Variants in LTBP1 observed in about 807,000 individuals in gnomAD.
The protein encoded by LTBP1 is latent transforming growth factor beta binding protein 1.
Under a neutral mutation model 207.6 loss-of-function variants are expected in LTBP1, and 129 were observed. The observed-to-expected ratio is 0.62, with a 90% CI of 0.54 to 0.72. The LOEUF (loss-of-function observed/expected upper bound fraction) is 0.72, where lower values mean the gene tolerates loss of function less well. LTBP1 is among the 30% of genes least tolerant of loss of function. The pLI, the probability that LTBP1 is intolerant of heterozygous loss-of-function variation, is 0.00. For missense variants in LTBP1, 2,281 were observed against 2,217.2 expected, an observed-to-expected ratio of 1.03 and a Z score of -0.58; for synonymous variants, 963 against 833.7, an observed-to-expected ratio of 1.16 and a Z score of -2.67.
At chr2:33,357,204 G>C (rs1042090802) in intron 26 of LTBP1, among the ~76,000 whole-genome samples, 3 of 152,170 alleles carry the variant, frequency 2.0e-5, no homozygotes, top group African/African-American at 7.2e-5. Flanking sequence ...ACCCTCTTTA[G>C]GCTGATGAAC....
At chr2:33,266,113 C>A (rs959242412) in intron 15 of LTBP1, among the ~76,000 whole-genome samples, 2 of 152,226 alleles carry the variant, frequency 1.3e-5, no homozygotes, top group African/African-American at 4.8e-5. Flanking sequence ...TCAGAAGTGC[C>A]TGCTGTCACT....
At chr2:33,362,367 A>G (rs73927506) in intron 28 of LTBP1, among the ~76,000 whole-genome samples, 1,657 of 152,042 alleles carry the variant, frequency 0.011, 32 homozygotes, top group African/African-American at 0.038. Context: ...ATTTGGTCCA[A>G]TTAAATAATG....
chr2:33,208,865 A>ATTTTT lies in LTBP1; in HGVS notation c.1702-8671_1702-8667dup, dbSNP rs3053310. 1.6e-3 allele frequency among the ~76,000 whole-genome samples: 180 copies of ATTTTT among 112,912 alleles called. 6 individuals carry two copies. Among genetic ancestry groups the ATTTTT allele is most frequent in the Non-Finnish European group, 1.7e-3 (96 of 57,312 alleles). The allele number at this position is 112,912 out of a possible 152,430, so 74.1% of individuals were successfully genotyped here. On this transcript the variant is annotated intron_variant, in intron 7 of 33. Coordinates refer to ENST00000404816, the MANE Select transcript of LTBP1 (RefSeq NM_206943.4). Reference sequence around the variant, plus strand: ...TAGTGTCTAGTCCAGTCTTGCTACTATTTTTTTTTTTTTTTTTTTTGAGAT... The same window carrying ATTTTT: ...TAGTGTCTAGTCCAGTCTTGCTACTATTTTTTTTTTTTTTTTTTTTTTTTTGAGAT...
chr2:33,053,364 C>T (rs868196392), intron 3 of LTBP1, among the ~76,000 whole-genome samples: 1 of 152,194 alleles, frequency 6.6e-6, no homozygotes, highest in East Asian at 1.9e-4. Context: ...TCATTATTCC[C>T]CAAAGTCCTA....
chr2:33,131,385 A>ATC (rs1296017900), intron 4 of LTBP1, among the ~76,000 whole-genome samples: 1 of 152,340 alleles, frequency 6.6e-6, no homozygotes, highest in East Asian at 1.9e-4. Flanking sequence ...CAGAGCATGG[A>ATC]TCTCTGTTTG....
intron 15 of LTBP1, among the ~76,000 whole-genome samples, chr2:33,272,800 A>G (rs1331231667): frequency 3.9e-5 from 6 of 152,168 alleles, no homozygotes; most frequent in Non-Finnish European, 5.9e-5. Context: ...CTTACAAAGG[A>G]CATTGGAAAC....
At chr2:33,141,936 C>T (rs1325272807) in intron 5 of LTBP1, among the ~76,000 whole-genome samples, 1 of 151,806 alleles carries the variant, frequency 6.6e-6, no homozygotes, top group African/African-American at 2.4e-5. Context: ...AATTCTTGTT[C>T]TTTGGGTGAA....
rs952196733 is a variant in LTBP1 at position 32,966,910 on chromosome 2, CTCT to C, written c.565+17972_565+17974del. On this transcript the variant is annotated intron_variant, in intron 2 of 33. Coordinates refer to ENST00000404816, the MANE Select transcript of LTBP1 (RefSeq NM_206943.4). ...CTCAGAATGAGTTAGGAAGTATATTCTCTTCTTCTATCTTCTGAGAGAGATTTT... is the reference window on the plus strand; with the variant it reads ...CTCAGAATGAGTTAGGAAGTATATTCTCTTCTATCTTCTGAGAGAGATTTT... Among the ~76,000 whole-genome samples the C allele has an allele frequency of 1.2e-4, 19 of 152,188 alleles. No individual in the cohort carries two copies. The East Asian group carries it at 2.3e-3, about 19-fold the overall frequency.
At chr2:32,966,989 C>G (rs951048513) in intron 2 of LTBP1, among the ~76,000 whole-genome samples, 1 of 151,862 alleles carries the variant, frequency 6.6e-6, no homozygotes, top group African/African-American at 2.4e-5. Context: ...TTGAACCCAT[C>G]CTGGCTTGCT....
intron 2 of LTBP1, among the ~76,000 whole-genome samples, chr2:32,988,932 C>T (rs1240658678): frequency 7.2e-6 from 1 of 139,422 alleles, no homozygotes; most frequent in Non-Finnish European, 1.6e-5. Context: ...ATGCTTAGAC[C>T]TCTTTTTTTT....
chr2:33,137,795 A>G (rs905541665), intron 5 of LTBP1, among the ~76,000 whole-genome samples: 1 of 152,174 alleles, frequency 6.6e-6, no homozygotes, highest in African/African-American at 2.4e-5. Flanking sequence ...GTGTTAATTA[A>G]GTGAGCTTGC....
At chr2:33,235,379 T>C (rs1235691141) in intron 9 of LTBP1, among the ~76,000 whole-genome samples, 2 of 152,130 alleles carry the variant, frequency 1.3e-5, no homozygotes, top group African/African-American at 4.8e-5. Context: ...AGAATGGCGA[T>C]CATTAAAAAG....
intron 2 of LTBP1, among the ~76,000 whole-genome samples, chr2:32,979,138 A>T (rs946552894): frequency 4.0e-5 from 6 of 151,472 alleles, no homozygotes; most frequent in African/African-American, 1.5e-4. Flanking sequence ...CTTTTCAAGA[A>T]ACCAACTTTT....
At chr2:33,382,330 G>A (rs1164315613) in intron 31 of LTBP1, among the ~76,000 whole-genome samples, 1 of 151,872 alleles carries the variant, frequency 6.6e-6, no homozygotes, top group African/African-American at 2.4e-5. Flanking sequence ...CCTGACTGTA[G>A]GTGATCCACC....
At chr2:33,275,684 C>CAA in intron 17 of LTBP1, 117 bp from the exon 18 acceptor site, 153 of 1,069,244 alleles carry the variant, frequency 1.4e-4, no homozygotes, top group Middle Eastern at 2.2e-4. Context: ...AACTCCATCT[C>CAA]AAAAAAAAAA....
intron 4 of LTBP1, among the ~76,000 whole-genome samples, chr2:33,133,949 C>T (rs548457906): frequency 3.5e-4 from 53 of 152,256 alleles, no homozygotes; most frequent in African/African-American, 1.0e-3. Context: ...ATAGCCTCGG[C>T]TGTGTGGTCA....
At position 33,259,514 on chromosome 2, in the gene LTBP1, T is replaced by A. The variant is rs538966728; in HGVS notation, c.2396-74T>A. The A allele has an allele frequency of 7.9e-5, 85 of 1,074,130 alleles. No homozygotes were observed. In the South Asian group the frequency reaches 1.4e-3, roughly 17 times the overall value. The allele number at this position is 1,074,130 out of a possible 1,614,324, so 66.5% of individuals were successfully genotyped here. On this transcript the variant is annotated intron_variant, in intron 12 of 33. Transcript: ENST00000404816. ...TGCAGAGATAATGGACTTCTATTGT[T>A]TTTTAAGAATTGAAATATAATAGAC...
At chr2:33,220,781 G>A (rs1039754661) in intron 8 of LTBP1, among the ~76,000 whole-genome samples, 1 of 152,186 alleles carries the variant, frequency 6.6e-6, no homozygotes, top group African/African-American at 2.4e-5. Context: ...CTGAATGGAG[G>A]GACTCCCACA....
chr2:33,357,855 G>C (rs1225226226), intron 26 of LTBP1, among the ~76,000 whole-genome samples: 2 of 152,100 alleles, frequency 1.3e-5, no homozygotes, highest in African/African-American at 4.8e-5. Flanking sequence ...TCATTTTTTA[G>C]TGCTTGCCAC....
Sources: gnomAD v4.1 joint callset for allele counts (sites outside exome capture counted in the v4.1 genomes callset) on GRCh38, gnomAD v4.1.1 for gene constraint, MANE v1.5 for transcripts, NCBI Gene and HGNC (gene_info 2026-07-23, HGNC 2026-07-21) for gene names.